The following RBMS3 variants were observed in gnomAD, a reference collection of about 807,000 sequenced individuals.
The protein encoded by RBMS3 is RNA-binding motif, single-stranded-interacting protein 3.
Under a neutral mutation model 66.8 loss-of-function variants are expected in RBMS3, and 27 were observed. The ratio of observed to expected loss-of-function variants is 0.40; its 90% confidence interval spans 0.30 to 0.56. The LOEUF is 0.56. RBMS3 is among the 20% of genes least tolerant of loss of function. The probability of loss-of-function intolerance (pLI) is 0.40; values close to 1 mark genes in which losing one functional copy is unlikely to be tolerated. For synonymous variants in RBMS3, 188 were observed against 183.0 expected, an observed-to-expected ratio of 1.03 and a Z score of -0.22; for missense variants, 513 against 549.5, an observed-to-expected ratio of 0.93 and a Z score of 0.66.
At chr3:29,698,793 G>C (rs2052394981) in intron 4 of RBMS3, among the ~76,000 whole-genome samples, 1 of 151,896 alleles carries the variant, frequency 6.6e-6, no homozygotes, top group Admixed American at 6.6e-5. Flanking sequence ...TGACCCATTG[G>C]ATGTAATTAC....
chr3:29,669,841 A>G (rs2050921362), intron 4 of RBMS3, among the ~76,000 whole-genome samples: 1 of 152,186 alleles, frequency 6.6e-6, no homozygotes, highest in African/African-American at 2.4e-5. Context: ...GACTGCACAC[A>G]TGAGTATGCA....
At chr3:29,953,525 T>C (rs1051484706) in intron 12 of RBMS3, among the ~76,000 whole-genome samples, 1 of 151,950 alleles carries the variant, frequency 6.6e-6, no homozygotes, top group Non-Finnish European at 1.5e-5. Flanking sequence ...TAATATTGCC[T>C]AACAAAAATA....
intron 4 of RBMS3, among the ~76,000 whole-genome samples, chr3:29,646,055 C>G (rs956580345): frequency 6.6e-6 from 1 of 152,178 alleles, no homozygotes; most frequent in Non-Finnish European, 1.5e-5. Context: ...CTTCGATGTT[C>G]CCTTTAATCT....
At chr3:29,296,370 G>A (rs1160997478) in intron 1 of RBMS3, among the ~76,000 whole-genome samples, 2 of 151,784 alleles carry the variant, frequency 1.3e-5, no homozygotes, top group African/African-American at 4.8e-5. Flanking sequence ...TATTATCTTG[G>A]GAATGTGTAC....
chr3:29,368,073 T>C (rs536537551), intron 1 of RBMS3, among the ~76,000 whole-genome samples: 1 of 152,320 alleles, frequency 6.6e-6, no homozygotes, highest in East Asian at 1.9e-4. Flanking sequence ...CATCCTGCAT[T>C]AGTAGTCAGA....
chr3:29,308,746 C>CCA (rs2034176005), intron 1 of RBMS3, among the ~76,000 whole-genome samples: 1 of 18,808 alleles, frequency 5.3e-5, no homozygotes, highest in South Asian at 2.0e-3. Context: ...TAAAAAAAAA[C>CCA]AAAAAAAAAC....
intron 4 of RBMS3, among the ~76,000 whole-genome samples, chr3:29,672,043 C>G (rs972743595): frequency 1.3e-5 from 2 of 152,144 alleles, no homozygotes; most frequent in African/African-American, 4.8e-5. Flanking sequence ...AGAGAAAGGT[C>G]AGGTTACCCA....
chr3:29,522,091 A>G (rs1236884263), intron 3 of RBMS3, among the ~76,000 whole-genome samples: 1 of 152,228 alleles, frequency 6.6e-6, no homozygotes, highest in Admixed American at 6.5e-5. Context: ...TAGGCAGTTT[A>G]TGAAGAAGAT....
chr3:29,388,051 A>C (rs1424623668), intron 1 of RBMS3, among the ~76,000 whole-genome samples: 2 of 151,864 alleles, frequency 1.3e-5, no homozygotes, highest in Non-Finnish European at 2.9e-5. Flanking sequence ...CATCAGAAAT[A>C]ACTTCCCCAA....
At chr3:29,393,780 C>A (rs187054198) in intron 1 of RBMS3, among the ~76,000 whole-genome samples, 148 of 147,866 alleles carry the variant, frequency 1.0e-3, no homozygotes, top group African/African-American at 3.2e-3. Flanking sequence ...TGGCAGGTTC[C>A]GTGATGCCCC....
intron 4 of RBMS3, among the ~76,000 whole-genome samples, chr3:29,645,088 A>C (rs1032467187): frequency 6.6e-6 from 1 of 152,210 alleles, no homozygotes; most frequent in Non-Finnish European, 1.5e-5. Flanking sequence ...ACAAATAAAA[A>C]GAATACCAGT....
chr3:29,917,320 C>G (rs1389467653), intron 10 of RBMS3, among the ~76,000 whole-genome samples: 1 of 152,040 alleles, frequency 6.6e-6, no homozygotes, highest in African/African-American at 2.4e-5. Flanking sequence ...CTTTTCTTCC[C>G]ACTTGGCGAT....
intron 6 of RBMS3, among the ~76,000 whole-genome samples, chr3:29,786,328 GA>G (rs1196051802): frequency 6.6e-6 from 1 of 150,912 alleles, no homozygotes; most frequent in Non-Finnish European, 1.5e-5. Flanking sequence ...CACAGAACCA[GA>G]AAAAAAATAA....
At chr3:29,588,046 A>G (rs1431535501) in intron 4 of RBMS3, among the ~76,000 whole-genome samples, 1 of 152,052 alleles carries the variant, frequency 6.6e-6, no homozygotes, top group East Asian at 1.9e-4. Flanking sequence ...TATAAAATGT[A>G]AAATTTGTAG....
At chr3:29,728,591 G>A (rs973073643) in intron 4 of RBMS3, among the ~76,000 whole-genome samples, 4 of 152,014 alleles carry the variant, frequency 2.6e-5, no homozygotes, top group African/African-American at 9.7e-5. Context: ...AGCTAACATG[G>A]CATTAATAAA....
chr3:29,358,083 C>A (rs2037336768), intron 1 of RBMS3, among the ~76,000 whole-genome samples: 1 of 152,128 alleles, frequency 6.6e-6, no homozygotes, highest in East Asian at 1.9e-4. Flanking sequence ...GCTTTTGTTG[C>A]TATTGCTTTT....
chr3:29,303,480 T>A (rs1355404895), intron 1 of RBMS3, among the ~76,000 whole-genome samples: 1 of 152,028 alleles, frequency 6.6e-6, no homozygotes, highest in African/African-American at 2.4e-5. Context: ...GAGAGTCACA[T>A]ATCTGCATTA....
chr3:29,872,731 G>A (rs921051752), intron 7 of RBMS3, among the ~76,000 whole-genome samples: 2 of 152,098 alleles, frequency 1.3e-5, no homozygotes, highest in African/African-American at 4.8e-5. Flanking sequence ...TCATGATCCA[G>A]CAAGAATGGG....
intron 1 of RBMS3, among the ~76,000 whole-genome samples, chr3:29,293,713 AT>A (rs1004578350): frequency 4.9e-4 from 72 of 148,434 alleles, no homozygotes; most frequent in African/African-American, 1.4e-3. Flanking sequence ...TAGGGCTAAT[AT>A]TTTTTTTTTC....
Sources: gnomAD v4.1 joint callset for allele counts (sites outside exome capture counted in the v4.1 genomes callset) on GRCh38, gnomAD v4.1.1 for gene constraint, MANE v1.5 for transcripts, NCBI Gene and HGNC (gene_info 2026-07-23, HGNC 2026-07-21) for gene names.